The following SASH1 variants were observed in gnomAD, a reference collection of about 807,000 sequenced individuals.
SASH1 encodes SAM and SH3 domain-containing protein 1.
In SASH1, 44 loss-of-function variants were observed where a neutral mutation model predicts 125.2. That is an observed-to-expected ratio of 0.35 (90% CI 0.28 to 0.45). The LOEUF is 0.45. Among genes scored for constraint, SASH1 ranks in the 20% least tolerant of loss-of-function variants. SASH1 has a pLI of 1.00. For synonymous variants in SASH1, 639 were observed against 649.1 expected (o/e 0.98, Z 0.24); for missense variants, 1,426 against 1,614.5 (o/e 0.88, Z 2.00).
chr6:148,362,148 C>T (rs532724754), intron 1 of SASH1, among the ~76,000 whole-genome samples: 46 of 151,396 alleles, frequency 3.0e-4, no homozygotes, highest in East Asian at 1.2e-3. Context: ...AGGATGGTCT[C>T]GATATCCTGA....
chr6:148,250,172 G>T, the SASH1 span, among the ~76,000 whole-genome samples: 26 of 152,272 alleles, frequency 1.7e-4, no homozygotes, highest in Non-Finnish European at 3.1e-4. Flanking sequence ...GGTGCAGATA[G>T]GGGGAGGGGC....
intron 1 of SASH1, among the ~76,000 whole-genome samples, chr6:148,349,744 C>T (rs773718455): frequency 6.6e-6 from 1 of 152,184 alleles, no homozygotes; most frequent in Non-Finnish European, 1.5e-5. Context: ...GTAATCAAGA[C>T]TGCTCCATGG....
intron 4 of SASH1, among the ~76,000 whole-genome samples, chr6:148,459,687 A>G (rs911042536): frequency 3.9e-5 from 6 of 152,032 alleles, no homozygotes; most frequent in Non-Finnish European, 8.8e-5. Flanking sequence ...GTTCATAGGT[A>G]GGGTGGTTGA....
upstream of SASH1, among the ~76,000 whole-genome samples, chr6:148,339,038 A>G (rs1313626005): frequency 2.0e-5 from 3 of 151,084 alleles, no homozygotes; most frequent in Non-Finnish European, 4.4e-5. Flanking sequence ...AGAGAGAGAT[A>G]AAAAGCCCCT....
chr6:148,380,196 C>G (rs368510111), intron 1 of SASH1, among the ~76,000 whole-genome samples: 1 of 152,302 alleles, frequency 6.6e-6, no homozygotes, highest in Middle Eastern at 3.4e-3. Context: ...AGGAAATCAG[C>G]CAGAGTCAAG....
At chr6:148,328,197 TGGCTATTTTATG>T (rs1432264720) in intron 1 of SASH1, among the ~76,000 whole-genome samples, 1 of 152,216 alleles carries the variant, frequency 6.6e-6, no homozygotes, top group Non-Finnish European at 1.5e-5. Flanking sequence ...GTGCTGTGCC[TGGCTATTTTATG>T]GTACTTTTAA....
At chr6:148,508,168 C>T (rs1347714289) in intron 8 of SASH1, among the ~76,000 whole-genome samples, 3 of 152,060 alleles carry the variant, frequency 2.0e-5, no homozygotes, top group Non-Finnish European at 4.4e-5. Context: ...CCTACATTTA[C>T]CCTGGTTGTT....
chr6:148,326,603 T>C lies in SASH1; in HGVS notation n.74+54226T>C, dbSNP rs185995215. 1.2e-3 allele frequency among the ~76,000 whole-genome samples: 185 copies of C among 150,970 alleles called. 1 individual carries two copies. Among genetic ancestry groups the C allele is most frequent in the African/African-American group, 4.3e-3 (178 of 41,126 alleles). On this transcript the variant is annotated intron_variant and non_coding_transcript_variant, in intron 1 of 3. Coordinates refer to the SASH1 transcript ENST00000367469. ...TTTTAATAGAGACGGGGTTTCACCATGTTGGCCAGGCTGGTCTTGAACTCC... is the reference window on the plus strand; with the variant it reads ...TTTTAATAGAGACGGGGTTTCACCACGTTGGCCAGGCTGGTCTTGAACTCC...
At chr6:148,384,320 G>A (rs1218200169) in intron 1 of SASH1, among the ~76,000 whole-genome samples, 1 of 152,124 alleles carries the variant, frequency 6.6e-6, no homozygotes, top group East Asian at 1.9e-4. Context: ...TAAGAAAGAA[G>A]TGAAACAGAT....
the SASH1 span, among the ~76,000 whole-genome samples, chr6:148,266,220 C>T: frequency 3.9e-5 from 6 of 152,174 alleles, no homozygotes; most frequent in African/African-American, 1.4e-4. Flanking sequence ...GTGATCCACC[C>T]AGCCTCCCAA....
the SASH1 span, among the ~76,000 whole-genome samples, chr6:148,240,944 A>G: frequency 5.9e-5 from 9 of 152,178 alleles, no homozygotes; most frequent in Non-Finnish European, 1.2e-4. Flanking sequence ...AATTTCCCAC[A>G]TCATTATTTT....
intron 7 of SASH1, among the ~76,000 whole-genome samples, chr6:148,481,428 G>T (rs1050860056): frequency 6.6e-6 from 1 of 152,118 alleles, no homozygotes; most frequent in Non-Finnish European, 1.5e-5. Context: ...CAACTTAACT[G>T]TTGGATGCAA....
chr6:148,387,582 TTC>T (rs1431365960), intron 1 of SASH1, among the ~76,000 whole-genome samples: 1 of 6,268 alleles, frequency 1.6e-4, no homozygotes, highest in Non-Finnish European at 2.8e-4. Flanking sequence ...CTTTCTTTCT[TTC>T]TTTCTTTCTT....
At chr6:148,324,495 G>A (rs1780743834) in intron 1 of SASH1, among the ~76,000 whole-genome samples, 1 of 152,038 alleles carries the variant, frequency 6.6e-6, no homozygotes, top group African/African-American at 2.4e-5. Context: ...CTCCAACTCT[G>A]CCATCCAATG....
chr6:148,337,013 A>G (rs1781177344), intron 1 of SASH1, among the ~76,000 whole-genome samples: 1 of 152,136 alleles, frequency 6.6e-6, no homozygotes, highest in East Asian at 1.9e-4. Flanking sequence ...CTTGTAGACT[A>G]ATGGCTTTTA....
intron 15 of SASH1, 114 bp from the exon 16 acceptor site, chr6:148,534,637 A>C (rs554241176): frequency 9.8e-7 from 1 of 1,017,902 alleles, no homozygotes; most frequent in South Asian, 1.4e-5. Flanking sequence ...TAATCTTTTG[A>C]TTAGCCTGAA....
intron 4 of SASH1, among the ~76,000 whole-genome samples, chr6:148,442,927 C>T (rs566505436): frequency 1.3e-5 from 2 of 152,118 alleles, no homozygotes; most frequent in East Asian, 1.9e-4. Context: ...GCACCCGCCA[C>T]CATACCCGGC....
intron 1 of SASH1, among the ~76,000 whole-genome samples, chr6:148,326,386 T>TATATATACA (rs1780826472): frequency 1.6e-5 from 1 of 63,194 alleles, no homozygotes; most frequent in African/African-American, 5.9e-5. Flanking sequence ...ATTCTTTTCT[T>TATATATACA]TTCTTTTCTT....
In SASH1 at chr6:148,314,103, G is replaced by A. The variant is rs543144144; in HGVS notation, n.74+41726G>A. ...AAAAGGAGTGGGATGTAGCCCAAGC[G>A]ACACTGGGAGCCTTACCAGGTATTC... On this transcript the variant is annotated intron_variant and non_coding_transcript_variant, in intron 1 of 3. Coordinates refer to the SASH1 transcript ENST00000367469. Among the ~76,000 whole-genome samples, 30 of 152,282 alleles carry A rather than the reference G, an allele frequency of 2.0e-4. 1 individual carries two copies. Among genetic ancestry groups the A allele is most frequent in the East Asian group, 1.9e-4 (1 of 5,176 alleles).
Sources: allele counts gnomAD v4.1 joint callset (sites outside exome capture counted in the v4.1 genomes callset), GRCh38; gene constraint gnomAD v4.1.1; transcripts MANE v1.5; gene names NCBI Gene and HGNC (gene_info 2026-07-23, HGNC 2026-07-21).